The following PRAMEF20 variants were observed in gnomAD, a reference collection of about 807,000 sequenced individuals.
The protein encoded by PRAMEF20 is PRAME family member 20/21.
Under a neutral mutation model 32.4 loss-of-function variants are expected in PRAMEF20, and 27 were observed. That is an observed-to-expected ratio of 0.83 (90% CI 0.61 to 1.15). The LOEUF is 1.15. Ranked by LOEUF, PRAMEF20 falls within the 50% of genes most tolerant of loss-of-function variation. The pLI is 0.00. For synonymous variants in PRAMEF20, 256 were observed against 235.4 expected (o/e 1.09, Z -0.80); for missense variants, 604 against 584.5 (o/e 1.03, Z -0.34).
chr1:13,416,273 T>C (rs1016802392), upstream of PRAMEF20: 13 of 1,592,178 alleles, frequency 8.2e-6, no homozygotes, highest in African/African-American at 1.3e-5. Flanking sequence ...CCCTGGGAGA[T>C]GAGATTGCAT....
chr1:13,417,145 A>G (rs1355127147), intron 1 of PRAMEF20, among the ~76,000 whole-genome samples: 1 of 152,150 alleles, frequency 6.6e-6, no homozygotes, highest in Admixed American at 6.5e-5. Flanking sequence ...AGAAGGACGA[A>G]GCTTCCACAG....
At chr1:13,411,116 C>A in the PRAMEF20 span, among the ~76,000 whole-genome samples, 1 of 152,138 alleles carries the variant, frequency 6.6e-6, no homozygotes, top group Non-Finnish European at 1.5e-5. Flanking sequence ...CCTTGGCCTC[C>A]CAAAGTGCTG....
chr1:13,412,873 A>G (rs529593978), upstream of PRAMEF20, among the ~76,000 whole-genome samples: 3 of 152,100 alleles, frequency 2.0e-5, no homozygotes, highest in East Asian at 5.8e-4. Flanking sequence ...ACAGTGAGCC[A>G]AAATGACGCC....
intron 2 of PRAMEF20, among the ~76,000 whole-genome samples, chr1:13,419,933 G>GA: frequency 6.6e-6 from 1 of 152,138 alleles, no homozygotes; most frequent in East Asian, 1.9e-4. Context: ...GTATGATTCT[G>GA]AAACAGAGGG....
intron 1 of PRAMEF20, among the ~76,000 whole-genome samples, chr1:13,417,685 A>G (rs2100434575): frequency 6.6e-6 from 1 of 151,684 alleles, no homozygotes; most frequent in Middle Eastern, 3.4e-3. Context: ...GAAGCAGGGA[A>G]GAGAGCAGCT....
chr1:13,421,171 C>G lies in PRAMEF20; in HGVS notation c.1341C>G (p.Pro447=), dbSNP rs1378310419. The G allele has an allele frequency of 6.8e-6, 11 of 1,613,718 alleles. No individual in the cohort carries two copies. The Admixed American group carries it at 1.5e-4, about 22-fold the overall frequency. The change falls in exon 3 of 3, where the codon CCC becomes CCG. Residue 447 remains proline (P), a synonymous_variant. Coordinates refer to ENST00000602960, the Ensembl canonical transcript of PRAMEF20. The stretch of plus-strand genomic sequence containing the variant: ...GGAGAGTGAGGGCCTTAAGGGAGCC[C>G]GAGAGGATCTTGTTCTGTACCGACT...
exon 2 of PRAMEF20, chr1:13,418,583 A>T (rs991472874): frequency 1.2e-5 from 20 of 1,610,174 alleles, no homozygotes; most frequent in Non-Finnish European, 1.7e-5. Context: ...ATTTCCCCAG[A>T]GCAGAAGAAG....
chr1:13,416,402 C>G (rs780507920), exon 1 of PRAMEF20: 1 of 1,613,652 alleles, frequency 6.2e-7, no homozygotes, highest in East Asian at 2.2e-5. Flanking sequence ...CGGGGCGGAG[C>G]CTGCTGAGGG....
the PRAMEF20 span, among the ~76,000 whole-genome samples, chr1:13,410,929 C>T: frequency 7.5e-4 from 114 of 151,970 alleles, no homozygotes; most frequent in Middle Eastern, 3.4e-3. Flanking sequence ...ATGATCTCGG[C>T]CCACTGCAAC....
chr1:13,414,689 T>C (rs994596362), upstream of PRAMEF20, among the ~76,000 whole-genome samples: 1 of 151,720 alleles, frequency 6.6e-6, no homozygotes, highest in Non-Finnish European at 1.5e-5. Flanking sequence ...AGTCTCCAAC[T>C]CCTGACCTCA....
exon 3 of PRAMEF20, chr1:13,420,790 T>C: frequency 1.2e-6 from 2 of 1,613,866 alleles, no homozygotes; most frequent in Non-Finnish European, 1.7e-6. Context: ...CGAGCATTGG[T>C]CAACTAAAGA....
At chr1:13,419,497 G>A (rs1282218176) in intron 2 of PRAMEF20, among the ~76,000 whole-genome samples, 2 of 151,538 alleles carry the variant, frequency 1.3e-5, no homozygotes, top group African/African-American at 4.9e-5. Flanking sequence ...GTCTTGCTCT[G>A]TCTCGCTTTA....
At chr1:13,417,784 GGGGC>G (rs1641194017) in intron 1 of PRAMEF20, among the ~76,000 whole-genome samples, 1 of 147,526 alleles carries the variant, frequency 6.8e-6, no homozygotes, top group East Asian at 2.1e-4. Flanking sequence ...CGCCCAGGCT[GGGGC>G]TAGAGTGCAG....
chr1:13,417,390 A>G (rs1164320690), intron 1 of PRAMEF20, among the ~76,000 whole-genome samples: 1 of 152,082 alleles, frequency 6.6e-6, no homozygotes, highest in Non-Finnish European at 1.5e-5. Context: ...CACTGGAGCC[A>G]GGAAGTCCAG....
At chr1:13,415,372 A>T (rs1241812317), upstream of PRAMEF20, among the ~76,000 whole-genome samples, 1 of 152,104 alleles carries the variant, frequency 6.6e-6, no homozygotes, top group Non-Finnish European at 1.5e-5. Flanking sequence ...ATAAGTCACC[A>T]TGCCCAGCCA....
exon 3 of PRAMEF20, chr1:13,421,178 A>T (rs900978963): frequency 8.7e-6 from 14 of 1,613,686 alleles, no homozygotes; most frequent in African/African-American, 1.3e-5. Flanking sequence ...GCCCGAGAGG[A>T]TCTTGTTCTG....
chr1:13,410,493 A>G, the PRAMEF20 span: 1 of 151,970 alleles, frequency 6.6e-6, no homozygotes. Context: ...GTTTTTCCTG[A>G]GGTCTGAGCA....
exon 1 of PRAMEF20, chr1:13,416,572 C>G: frequency 6.2e-7 from 1 of 1,614,154 alleles, no homozygotes. Flanking sequence ...ATGAAAAGGC[C>G]TTGCCCAGAG....
chr1:13,421,028 C>T, exon 3 of PRAMEF20: 2 of 1,613,950 alleles, frequency 1.2e-6, no homozygotes, highest in Non-Finnish European at 1.7e-6. Flanking sequence ...CCTGCTGTGC[C>T]ACACAATCAG....
Sources: allele counts gnomAD v4.1 joint callset (sites outside exome capture counted in the v4.1 genomes callset), GRCh38; gene constraint gnomAD v4.1.1; transcripts MANE v1.5; gene names NCBI Gene and HGNC (gene_info 2026-07-23, HGNC 2026-07-21).